MRPS28: variants seen among roughly 807,000 people sequenced by gnomAD.
The protein encoded by MRPS28 is mitochondrial ribosomal protein S28, also known as small ribosomal subunit protein bS1m.
MRPS28 carries 7 observed loss-of-function variants against 10.8 expected under a neutral mutation model. The observed-to-expected ratio is 0.65, with a 90% CI of 0.37 to 1.22. MRPS28 has a LOEUF of 1.22. Among genes scored for constraint, MRPS28 ranks in the 50% most tolerant of loss-of-function variants. The probability of loss-of-function intolerance (pLI) is 0.02; values close to 1 mark genes in which losing one functional copy is unlikely to be tolerated. For missense variants in MRPS28, 265 were observed against 232.9 expected (o/e 1.14, Z -0.90); for synonymous variants, 121 against 93.3 (o/e 1.30, Z -1.71).
At chr8:79,920,360 T>C (rs542534881) in intron 2 of MRPS28, among the ~76,000 whole-genome samples, 14 of 152,128 alleles carry the variant, frequency 9.2e-5, no homozygotes, top group Admixed American at 5.9e-4. Context: ...CTTGAGGAAT[T>C]GCCACACTGT....
At chr8:79,966,289 A>C (rs1011617324) in intron 2 of MRPS28, among the ~76,000 whole-genome samples, 61 of 152,162 alleles carry the variant, frequency 4.0e-4, no homozygotes, top group African/African-American at 1.4e-3. Flanking sequence ...AAAAAGCAGA[A>C]TAAAGTTGCC....
At chr8:80,008,332 C>T (rs1808925007) in intron 1 of MRPS28, among the ~76,000 whole-genome samples, 1 of 151,096 alleles carries the variant, frequency 6.6e-6, no homozygotes, top group Non-Finnish European at 1.5e-5. Context: ...AGAAGAAAAC[C>T]TAGGCAATAC....
intron 2 of MRPS28, among the ~76,000 whole-genome samples, chr8:79,926,909 T>C (rs1230602999): frequency 6.6e-6 from 1 of 152,208 alleles, no homozygotes; most frequent in Admixed American, 6.5e-5. Flanking sequence ...TTCACGCACA[T>C]TTGGGAAAAC....
intron 1 of MRPS28, 99 bp downstream of exon 1, chr8:80,029,937 G>A (rs891123954): frequency 6.5e-7 from 1 of 1,538,498 alleles, no homozygotes; most frequent in South Asian, 1.2e-5. Context: ...CCGGACCTCA[G>A]CTCCCCTTCC....
chr8:80,016,297 G>A (rs1242904164), intron 1 of MRPS28, among the ~76,000 whole-genome samples: 2 of 151,924 alleles, frequency 1.3e-5, no homozygotes, highest in South Asian at 2.1e-4. Flanking sequence ...AAGAAGCTTG[G>A]GGGGAAAACA....
At chr8:79,987,282 G>A (rs1402402429) in intron 2 of MRPS28, among the ~76,000 whole-genome samples, 1 of 151,808 alleles carries the variant, frequency 6.6e-6, no homozygotes, top group Admixed American at 6.6e-5. Flanking sequence ...AATTCAAGAT[G>A]GATTAAAGAC....
chr8:79,980,709 G>A (rs1459358426), intron 2 of MRPS28, among the ~76,000 whole-genome samples: 3 of 152,168 alleles, frequency 2.0e-5, no homozygotes, highest in Non-Finnish European at 2.9e-5. Context: ...AAAAAAGTAA[G>A]CAATGAGTAT....
chr8:80,008,741 G>C (rs1435864278), intron 1 of MRPS28, among the ~76,000 whole-genome samples: 1 of 152,214 alleles, frequency 6.6e-6, no homozygotes, highest in Admixed American at 6.5e-5. Flanking sequence ...TCTCACACCA[G>C]TTAGAATGGT....
intron 2 of MRPS28, among the ~76,000 whole-genome samples, chr8:79,921,988 A>G (rs1421724533): frequency 6.6e-6 from 1 of 152,218 alleles, no homozygotes; most frequent in Admixed American, 6.5e-5. Context: ...AGTTTTTAGC[A>G]TGAAGAGTTG....
At chr8:79,964,749 T>C (rs1055107857) in intron 2 of MRPS28, among the ~76,000 whole-genome samples, 8 of 152,080 alleles carry the variant, frequency 5.3e-5, no homozygotes, top group Non-Finnish European at 1.2e-4. Context: ...GGGAGGTGCC[T>C]AGAAGACCTG....
chr8:79,988,553 T>C (rs958988220), intron 2 of MRPS28, among the ~76,000 whole-genome samples: 3 of 152,128 alleles, frequency 2.0e-5, no homozygotes, highest in South Asian at 4.2e-4. Flanking sequence ...TTTTCAAGTA[T>C]AGGACAATGT....
At chr8:80,020,392 C>A (rs897486854) in intron 1 of MRPS28, among the ~76,000 whole-genome samples, 4 of 152,114 alleles carry the variant, frequency 2.6e-5, no homozygotes, top group African/African-American at 9.7e-5. Flanking sequence ...ACGCCCTTGG[C>A]TGACAGGAGG....
At position 80,030,021 on chromosome 8, in the gene MRPS28, C is replaced by T. The variant is rs200175486; in HGVS notation, c.213+15G>A. The T allele has an allele frequency of 4.3e-6, 7 of 1,610,808 alleles. No homozygotes were observed. Among genetic ancestry groups the T allele is most frequent in the Middle Eastern group, 1.7e-4 (1 of 5,992 alleles). On this transcript the variant is annotated intron_variant, in intron 1 of 2. Coordinates refer to ENST00000276585, the MANE Select transcript of MRPS28 (RefSeq NM_014018.3). ...CGTAATTCCCGCGACTCCCTCTCAC[C>T]CGCCCGGGCTCCACCTTCTGTAGGG... is the stretch of plus-strand genomic sequence containing the variant.
intron 2 of MRPS28, among the ~76,000 whole-genome samples, chr8:79,971,733 T>G (rs1024148998): frequency 6.6e-6 from 1 of 152,230 alleles, no homozygotes; most frequent in African/African-American, 2.4e-5. Context: ...AGTTTTATTC[T>G]GCAACCCAGG....
chr8:79,930,597 T>C (rs1412475686), intron 2 of MRPS28, among the ~76,000 whole-genome samples: 1 of 152,212 alleles, frequency 6.6e-6, no homozygotes, highest in Non-Finnish European at 1.5e-5. Context: ...CATTCACTTA[T>C]TTTAAATCTT....
chr8:80,029,639 G>A, intron 1 of MRPS28: 1 of 896,284 alleles, frequency 1.1e-6, no homozygotes, highest in Non-Finnish European at 1.6e-6. Flanking sequence ...CAAGCTCCAT[G>A]CTAGAGCTAC....
chr8:79,949,773 A>G (rs1349618827), intron 2 of MRPS28, among the ~76,000 whole-genome samples: 1 of 152,230 alleles, frequency 6.6e-6, no homozygotes, highest in Non-Finnish European at 1.5e-5. Context: ...TCTCTGAAAC[A>G]GGACAAAGGG....
At chr8:79,924,106 T>A (rs756485732) in intron 2 of MRPS28, among the ~76,000 whole-genome samples, 1 of 152,240 alleles carries the variant, frequency 6.6e-6, no homozygotes, top group Non-Finnish European at 1.5e-5. Flanking sequence ...AAGAGAATAC[T>A]GTGAGGAATT....
At chr8:79,969,250 C>T (rs1429026539) in intron 2 of MRPS28, among the ~76,000 whole-genome samples, 1 of 151,996 alleles carries the variant, frequency 6.6e-6, no homozygotes, top group African/African-American at 2.4e-5. Flanking sequence ...ATGTACTAAA[C>T]CTATTTAAGA....
Sources: gnomAD v4.1 joint callset for allele counts (sites outside exome capture counted in the v4.1 genomes callset) on GRCh38, gnomAD v4.1.1 for gene constraint, MANE v1.5 for transcripts, NCBI Gene and HGNC (gene_info 2026-07-23, HGNC 2026-07-21) for gene names.